ATG7: variants seen among roughly 807,000 people sequenced by gnomAD.
The protein encoded by ATG7 is autophagy related 7, also known as ubiquitin-like modifier-activating enzyme ATG7.
ATG7 carries 70 observed loss-of-function variants against 82.4 expected under a neutral mutation model. The ratio of observed to expected loss-of-function variants is 0.85; its 90% confidence interval spans 0.70 to 1.04. The LOEUF (loss-of-function observed/expected upper bound fraction) is 1.04. Among genes scored for constraint, ATG7 ranks in the 50% least tolerant of loss-of-function variants. The pLI is 0.00. For missense variants in ATG7, 792 were observed against 864.3 expected, an observed-to-expected ratio of 0.92 and a Z score of 1.05; for synonymous variants, 287 against 313.0, an observed-to-expected ratio of 0.92 and a Z score of 0.88.
intron 20 of ATG7, among the ~76,000 whole-genome samples, chr3:11,553,003 C>T (rs914997645): frequency 6.6e-6 from 1 of 152,244 alleles, no homozygotes; most frequent in African/African-American, 2.4e-5. Flanking sequence ...CACCCATTTG[C>T]AGAGGGCACT....
At chr3:11,482,397 C>CCT (rs2089106577) in intron 20 of ATG7, among the ~76,000 whole-genome samples, 1 of 152,170 alleles carries the variant, frequency 6.6e-6, no homozygotes, top group South Asian at 2.1e-4. Context: ...ACCTCTTGTC[C>CCT]CTCAGTCTGT....
chr3:11,564,092 G>A, the ATG7 span, among the ~76,000 whole-genome samples: 3 of 152,198 alleles, frequency 2.0e-5, no homozygotes, highest in South Asian at 2.1e-4. Context: ...CTATTAGGTC[G>A]CAGTCCCTGG....
chr3:11,404,590 T>C (rs1241822467), intron 19 of ATG7, among the ~76,000 whole-genome samples: 2 of 152,018 alleles, frequency 1.3e-5, no homozygotes, highest in South Asian at 4.1e-4. Flanking sequence ...TTTGGGCATG[T>C]ACCTAGCCTT....
At position 11,332,875 on chromosome 3, in the gene ATG7, C is replaced by T. The variant is rs1303074272; in HGVS notation, c.768-97C>T. The T allele has an allele frequency of 4.0e-6, 5 of 1,239,250 alleles. No individual in the cohort carries two copies. The Admixed American group carries it at 1.9e-4, about 48-fold the overall frequency. The allele number at this position is 1,239,250 out of a possible 1,614,324, so 76.8% of individuals were successfully genotyped here. On this transcript the variant is annotated intron_variant, in intron 10 of 20. Coordinates refer to ENST00000693202, the MANE Select transcript of ATG7 (RefSeq NM_001349232.2). ...AGGCATAATTAGAATGCATTGAATTCTCTCCAACTGGTTTGCTGAAGCTCT... is the reference window on the plus strand; with the variant it reads ...AGGCATAATTAGAATGCATTGAATTTTCTCCAACTGGTTTGCTGAAGCTCT...
intron 20 of ATG7, among the ~76,000 whole-genome samples, chr3:11,444,134 T>A (rs1242673139): frequency 1.3e-5 from 2 of 152,210 alleles, no homozygotes; most frequent in African/African-American, 4.8e-5. Flanking sequence ...GGTTACCCAT[T>A]TGCTGTGCGG....
chr3:11,559,229 T>A, downstream of ATG7: 1 of 1,434,496 alleles, frequency 7.0e-7, no homozygotes, highest in South Asian at 1.5e-5. Context: ...ACCTCAGCAA[T>A]AGATGGGCTC....
intron 3 of ATG7, among the ~76,000 whole-genome samples, chr3:11,284,915 T>C: frequency 1.3e-5 from 2 of 151,288 alleles, no homozygotes; most frequent in Non-Finnish European, 2.9e-5. Context: ...TGCGCAATCT[T>C]GGCTCACTGC....
intron 20 of ATG7, among the ~76,000 whole-genome samples, chr3:11,465,014 A>G (rs1214582455): frequency 6.6e-6 from 1 of 151,508 alleles, no homozygotes; most frequent in Non-Finnish European, 1.5e-5. Context: ...CAGCCTTATT[A>G]AAGATGTAGA....
downstream of ATG7, among the ~76,000 whole-genome samples, chr3:11,559,958 G>A (rs944958561): frequency 4.6e-5 from 7 of 152,064 alleles, no homozygotes; most frequent in African/African-American, 7.2e-5. Flanking sequence ...CCTACAAATC[G>A]GGACAGAGAG....
At chr3:11,532,376 T>A (rs1039377016) in intron 20 of ATG7, among the ~76,000 whole-genome samples, 13 of 151,976 alleles carry the variant, frequency 8.6e-5, no homozygotes, top group African/African-American at 2.9e-4. Flanking sequence ...GAGCTGAGTC[T>A]GGAAAGAGGA....
chr3:11,491,888 G>T (rs1191066031), intron 20 of ATG7, among the ~76,000 whole-genome samples: 9 of 152,228 alleles, frequency 5.9e-5, no homozygotes, highest in Non-Finnish European at 1.2e-4. Context: ...GGACATTTAA[G>T]TTTGCAGAGG....
chr3:11,351,838 T>C (rs564097703), intron 14 of ATG7, among the ~76,000 whole-genome samples: 1 of 143,618 alleles, frequency 7.0e-6, no homozygotes, highest in Non-Finnish European at 1.5e-5. Flanking sequence ...ATATGCTTGA[T>C]TTAGTATAGT....
intron 19 of ATG7, among the ~76,000 whole-genome samples, chr3:11,424,784 A>G (rs1029800954): frequency 2.6e-5 from 4 of 152,216 alleles, no homozygotes; most frequent in African/African-American, 7.2e-5. Context: ...CATAGATGAT[A>G]CATGCATAAA....
At chr3:11,274,514 G>A (rs1941277317) in intron 1 of ATG7, among the ~76,000 whole-genome samples, 1 of 152,154 alleles carries the variant, frequency 6.6e-6, no homozygotes, top group Admixed American at 6.5e-5. Context: ...AGGGCTAGAG[G>A]TGAGAATGCA....
chr3:11,448,071 G>T (rs1218434223), intron 20 of ATG7, among the ~76,000 whole-genome samples: 1 of 152,172 alleles, frequency 6.6e-6, no homozygotes, highest in African/African-American at 2.4e-5. Context: ...CCAGTCCCCA[G>T]ATTTGTCCCC....
At chr3:11,514,013 C>G (rs2092178163) in intron 20 of ATG7, among the ~76,000 whole-genome samples, 3 of 152,188 alleles carry the variant, frequency 2.0e-5, no homozygotes, top group Admixed American at 2.0e-4. Context: ...ACTACAGCTA[C>G]TCATGTGCCA....
chr3:11,453,404 G>A (rs995933166), intron 20 of ATG7, among the ~76,000 whole-genome samples: 1 of 152,204 alleles, frequency 6.6e-6, no homozygotes, highest in Non-Finnish European at 1.5e-5. Context: ...TGCTTGCTAA[G>A]AAGATTATTT....
At chr3:11,412,142 A>C (rs1246020557) in intron 19 of ATG7, among the ~76,000 whole-genome samples, 1 of 152,190 alleles carries the variant, frequency 6.6e-6, no homozygotes. Flanking sequence ...TCCCTGACTG[A>C]CTAAAACTAG....
chr3:11,291,457 C>A (rs755101616), intron 3 of ATG7, among the ~76,000 whole-genome samples: 1 of 152,146 alleles, frequency 6.6e-6, no homozygotes, highest in Non-Finnish European at 1.5e-5. Flanking sequence ...CTAGCAGACC[C>A]GGGTTATCAT....
Sources: allele counts gnomAD v4.1 joint callset (sites outside exome capture counted in the v4.1 genomes callset), GRCh38; gene constraint gnomAD v4.1.1; transcripts MANE v1.5; gene names NCBI Gene and HGNC (gene_info 2026-07-23, HGNC 2026-07-21).